Variants in PRIMA1 observed in about 807,000 individuals in gnomAD.
The protein encoded by PRIMA1 is proline-rich membrane anchor 1.
Under a neutral mutation model 17.5 loss-of-function variants are expected in PRIMA1, and 7 were observed. The ratio of observed to expected loss-of-function variants is 0.40; its 90% CI spans 0.23 to 0.75. The LOEUF is 0.75. Ranked by LOEUF, PRIMA1 falls within the 30% of genes least tolerant of loss-of-function variation. The pLI, the probability that PRIMA1 is intolerant of heterozygous loss-of-function variation, is 0.37. For synonymous variants in PRIMA1, 97 were observed against 77.9 expected, an observed-to-expected ratio of 1.25 and a Z score of -1.29; for missense variants, 200 against 201.8, an observed-to-expected ratio of 0.99 and a Z score of 0.05.
chr14:93,756,668 T>C (rs1433354715), intron 3 of PRIMA1, among the ~76,000 whole-genome samples: 1 of 152,030 alleles, frequency 6.6e-6, no homozygotes, highest in Non-Finnish European at 1.5e-5. Flanking sequence ...GCCCCCTGAC[T>C]TCCATATCCA....
At chr14:93,780,776 A>C (rs1345731737) in intron 2 of PRIMA1, among the ~76,000 whole-genome samples, 3 of 152,232 alleles carry the variant, frequency 2.0e-5, no homozygotes, top group Admixed American at 6.5e-5. Context: ...CTCACTATAC[A>C]GAGTGCCATA....
chr14:93,766,219 G>T (rs2141183690), intron 3 of PRIMA1, among the ~76,000 whole-genome samples: 1 of 152,282 alleles, frequency 6.6e-6, no homozygotes, highest in African/African-American at 2.4e-5. Flanking sequence ...TGTCCTCAAA[G>T]CACCCTTGCC....
chr14:93,780,083 C>T (rs1291405254), intron 2 of PRIMA1, among the ~76,000 whole-genome samples: 5 of 152,270 alleles, frequency 3.3e-5, no homozygotes, highest in Admixed American at 3.3e-4. Flanking sequence ...CTCCCCATCT[C>T]TCTGCCCTCA....
intron 3 of PRIMA1, among the ~76,000 whole-genome samples, chr14:93,740,014 A>G (rs1235893640): frequency 6.6e-6 from 1 of 151,900 alleles, no homozygotes; most frequent in Non-Finnish European, 1.5e-5. Context: ...GCAGTGAGCT[A>G]AGATTGTGCC....
chr14:93,769,399 T>C (rs1279641125), intron 3 of PRIMA1, among the ~76,000 whole-genome samples: 2 of 152,204 alleles, frequency 1.3e-5, no homozygotes, highest in African/African-American at 4.8e-5. Flanking sequence ...GCCCTCCTGC[T>C]TGCAGACCAG....
chr14:93,735,306 C>T (rs2076142646), intron 4 of PRIMA1, among the ~76,000 whole-genome samples: 1 of 152,226 alleles, frequency 6.6e-6, no homozygotes. Context: ...GTGACAAAGG[C>T]CTCCCCAGTC....
intron 3 of PRIMA1, among the ~76,000 whole-genome samples, chr14:93,757,561 G>T (rs867228691): frequency 3.3e-5 from 5 of 152,264 alleles, no homozygotes; most frequent in South Asian, 4.1e-4. Flanking sequence ...GGCCTGGGGT[G>T]GGGGCTGGAG....
At chr14:93,784,844 A>G (rs139461442) in intron 2 of PRIMA1, among the ~76,000 whole-genome samples, 3 of 152,320 alleles carry the variant, frequency 2.0e-5, no homozygotes, top group East Asian at 3.9e-4. Flanking sequence ...TTGCCAAACT[A>G]TCAGTGCCAC....
intron 3 of PRIMA1, among the ~76,000 whole-genome samples, chr14:93,772,042 G>A (rs1031156074): frequency 5.3e-5 from 8 of 152,218 alleles, no homozygotes; most frequent in African/African-American, 1.2e-4. Flanking sequence ...CTATTACAAA[G>A]AAGGGTTTGA....
intron 3 of PRIMA1, among the ~76,000 whole-genome samples, chr14:93,763,450 G>A (rs1314086144): frequency 6.6e-6 from 1 of 152,180 alleles, no homozygotes. Flanking sequence ...CCTGCAGTGA[G>A]CTCTGCCTCC....
chr14:93,732,797 G>A (rs2076123336), intron 4 of PRIMA1, among the ~76,000 whole-genome samples: 1 of 139,786 alleles, frequency 7.2e-6, no homozygotes, highest in African/African-American at 3.3e-5. Context: ...AGCGATACCT[G>A]CTGAGCCCAG....
chr14:93,721,299 A>C lies in PRIMA1; in HGVS notation c.*145T>G. 1 of 599,744 alleles carries C rather than the reference A, an allele frequency of 1.7e-6. No homozygotes were observed. Among genetic ancestry groups the C allele is most frequent in the South Asian group, 2.0e-5 (1 of 48,798 alleles). The allele number at this position is 599,744 out of a possible 1,614,324, so 37.2% of individuals were successfully genotyped here. A position where few individuals can be genotyped will look rare whatever the true frequency, so the allele number is the denominator to read the frequency against. On this transcript the variant is annotated 3_prime_UTR_variant, in exon 5 of 5. Coordinates refer to ENST00000393140, the MANE Select transcript of PRIMA1 (RefSeq NM_178013.4). ...TGACCAGGGGCAAGCCTGGGAAGAC[A>C]ATGGTTTCTCCTTCGGGAGGCTCAG...
intron 3 of PRIMA1, among the ~76,000 whole-genome samples, chr14:93,771,130 A>G (rs1885050050): frequency 6.8e-6 from 1 of 147,722 alleles, no homozygotes; most frequent in South Asian, 2.2e-4. Context: ...ATGTGTGTGC[A>G]TGTGCACGTA....
chr14:93,788,597 C>T (rs1228638010), upstream of PRIMA1: 1 of 152,054 alleles, frequency 6.6e-6, no homozygotes, highest in Admixed American at 6.5e-5. Flanking sequence ...GGGGGCTTCA[C>T]ATGCCGGGGA....
chr14:93,727,478 T>C (rs2076085922), intron 4 of PRIMA1, among the ~76,000 whole-genome samples: 1 of 152,168 alleles, frequency 6.6e-6, no homozygotes, highest in East Asian at 1.9e-4. Context: ...GCCTCTGAGA[T>C]GCCAGAATGG....
chr14:93,753,307 A>G (rs1242157972), intron 3 of PRIMA1, among the ~76,000 whole-genome samples: 1 of 152,236 alleles, frequency 6.6e-6, no homozygotes, highest in Non-Finnish European at 1.5e-5. Context: ...AACAGGGTCC[A>G]AGAAGAAGCC....
chr14:93,758,073 C>T (rs1006375596), intron 3 of PRIMA1, among the ~76,000 whole-genome samples: 7 of 152,178 alleles, frequency 4.6e-5, no homozygotes, highest in Admixed American at 2.0e-4. Flanking sequence ...TGAAACCACG[C>T]CCTGGCTCAT....
chr14:93,779,801 T>A (rs1885327311), intron 2 of PRIMA1, among the ~76,000 whole-genome samples: 1 of 152,178 alleles, frequency 6.6e-6, no homozygotes, highest in Non-Finnish European at 1.5e-5. Context: ...TCATGTCTAC[T>A]CTGGGGCAAG....
In PRIMA1 at chr14:93,757,269, G is replaced by A. The variant is rs548221377; in HGVS notation, c.230-19899C>T. ...AAGGGAGTCCTCTTACTTAATGGCT[G>A]CCCCTCTGACACGGCCGCACTTGAG... On this transcript the variant is annotated intron_variant, in intron 3 of 4. Coordinates refer to ENST00000393140, the MANE Select transcript of PRIMA1 (RefSeq NM_178013.4). 2.1e-4 allele frequency among the ~76,000 whole-genome samples: 32 copies of A among 152,214 alleles called. 1 individual carries two copies. In the East Asian group the frequency reaches 6.0e-3, roughly 29 times the overall value.
Sources: allele counts gnomAD v4.1 joint callset (sites outside exome capture counted in the v4.1 genomes callset), GRCh38; gene constraint gnomAD v4.1.1; transcripts MANE v1.5; gene names NCBI Gene and HGNC (gene_info 2026-07-23, HGNC 2026-07-21).